The following ARFGEF2 variants were observed in gnomAD, a reference collection of about 807,000 sequenced individuals.
The protein encoded by ARFGEF2 is brefeldin A-inhibited guanine nucleotide-exchange protein 2.
In ARFGEF2, 74 loss-of-function variants were observed where a neutral mutation model predicts 219.9. The ratio of observed to expected loss-of-function variants is 0.34; its 90% CI spans 0.28 to 0.41. The LOEUF (loss-of-function observed/expected upper bound fraction) is 0.41. Ranked by LOEUF, ARFGEF2 falls within the 10% of genes least tolerant of loss-of-function variation. The probability of loss-of-function intolerance (pLI) is 1.00; values close to 1 mark genes in which losing one functional copy is unlikely to be tolerated. For synonymous variants in ARFGEF2, 733 were observed against 799.2 expected (o/e 0.92, Z 1.40); for missense variants, 1,743 against 2,218.3 (o/e 0.79, Z 4.30).
At position 48,973,128 on chromosome 20, in the gene ARFGEF2, G is replaced by C. The variant is rs543247648; in HGVS notation, c.1526-17G>C. The C allele has an allele frequency of 9.9e-6, 16 of 1,613,930 alleles. No individual in the cohort carries two copies. In the East Asian group the frequency reaches 3.1e-4, roughly 31 times the overall value. On this transcript the variant is annotated splice_polypyrimidine_tract_variant and intron_variant, in intron 11 of 38. Coordinates refer to ENST00000371917, the MANE Select transcript of ARFGEF2 (RefSeq NM_006420.3). ...TATTTGATCAGAATTTCTGATACTT[G>C]TATGTTATTTTCCAAGATGCCCAGT...
intron 6 of ARFGEF2, among the ~76,000 whole-genome samples, chr20:48,956,313 G>T (rs528194570): frequency 1.3e-5 from 2 of 152,172 alleles, no homozygotes; most frequent in African/African-American, 4.8e-5. Context: ...CCCCCCCACA[G>T]CCTTCCTAGG....
At chr20:48,988,410 C>A in intron 17 of ARFGEF2, 22 bp downstream of exon 17, 1 of 1,611,760 alleles carries the variant, frequency 6.2e-7, no homozygotes, top group Non-Finnish European at 8.5e-7. Flanking sequence ...TAATGATTTA[C>A]ATGTTGTATT....
intron 6 of ARFGEF2, among the ~76,000 whole-genome samples, chr20:48,957,221 A>G (rs1358277830): frequency 6.6e-6 from 1 of 152,080 alleles, no homozygotes; most frequent in East Asian, 1.9e-4. Flanking sequence ...CTTGTTGCCA[A>G]CCCTGATAAC....
intron 34 of ARFGEF2, among the ~76,000 whole-genome samples, chr20:49,021,820 G>A (rs1600553764): frequency 6.7e-6 from 1 of 150,224 alleles, no homozygotes; most frequent in African/African-American, 2.5e-5. Context: ...ACTTCAGCCT[G>A]GGTGACACAG....
At chr20:49,007,727 T>C (rs1365659968) in intron 26 of ARFGEF2, among the ~76,000 whole-genome samples, 1 of 152,018 alleles carries the variant, frequency 6.6e-6, no homozygotes, top group African/African-American at 2.4e-5. Context: ...AGTGTCTGTA[T>C]GTCTGCTTTA....
intron 36 of ARFGEF2, among the ~76,000 whole-genome samples, chr20:49,026,306 G>A (rs1407081274): frequency 6.6e-6 from 1 of 151,980 alleles, no homozygotes; most frequent in East Asian, 1.9e-4. Flanking sequence ...CTGCAGCCTG[G>A]GTGACAGGGG....
intron 3 of ARFGEF2, among the ~76,000 whole-genome samples, chr20:48,943,323 G>A (rs1283112176): frequency 6.6e-6 from 1 of 152,184 alleles, no homozygotes; most frequent in Admixed American, 6.5e-5. Context: ...GTGAGTAGGT[G>A]CATTTGCAAG....
intron 1 of ARFGEF2, among the ~76,000 whole-genome samples, chr20:48,935,200 G>C (rs942566750): frequency 1.3e-5 from 2 of 152,160 alleles, no homozygotes; most frequent in African/African-American, 4.8e-5. Context: ...ATAAACAAGT[G>C]AACAAAGGTC....
At chr20:48,951,603 TAG>T in intron 4 of ARFGEF2, 134 bp downstream of exon 4, 1 of 1,243,218 alleles carries the variant, frequency 8.0e-7, no homozygotes, top group Non-Finnish European at 1.2e-6. Context: ...AAGCGTCACT[TAG>T]ATCTTTTGTT....
Position 48,986,110 on chromosome 20 carries a change from G to C in ARFGEF2, c.2276+497G>C, listed in dbSNP as rs148989266. Among the ~76,000 whole-genome samples, 52 of 152,286 alleles carry C rather than the reference G, an allele frequency of 3.4e-4. 2 individuals are homozygous for C. The East Asian group carries it at 9.1e-3, about 27-fold the overall frequency. Reference sequence around the variant, plus strand: ...TGATGGGCGGTTCGTGATTTTGTAAGAAGTGGAAATAGGAAGGGGAACAAA... The same window carrying C: ...TGATGGGCGGTTCGTGATTTTGTAACAAGTGGAAATAGGAAGGGGAACAAA... On this transcript the variant is annotated intron_variant, in intron 16 of 38. Transcript: ENST00000371917.
chr20:48,960,076 T>C (rs1036004185), intron 6 of ARFGEF2, among the ~76,000 whole-genome samples: 2 of 152,226 alleles, frequency 1.3e-5, no homozygotes, highest in African/African-American at 4.8e-5. Context: ...AAATGAGTCA[T>C]AGGCAGTTTC....
intron 1 of ARFGEF2, among the ~76,000 whole-genome samples, chr20:48,937,406 CT>C (rs1423746388): frequency 6.6e-6 from 1 of 152,112 alleles, no homozygotes; most frequent in Non-Finnish European, 1.5e-5. Context: ...GTCTTTCTTT[CT>C]TTATTTCTTT....
At chr20:48,961,404 C>A (rs1386322839) in intron 6 of ARFGEF2, among the ~76,000 whole-genome samples, 1 of 152,086 alleles carries the variant, frequency 6.6e-6, no homozygotes, top group Admixed American at 6.6e-5. Context: ...CTGTCTTCCA[C>A]CTCCACATCT....
At chr20:48,975,749 C>T (rs1377401466) in intron 13 of ARFGEF2, among the ~76,000 whole-genome samples, 2 of 145,812 alleles carry the variant, frequency 1.4e-5, no homozygotes, top group African/African-American at 5.3e-5. Context: ...TGCACTGAGC[C>T]GAGATCGTGC....
At chr20:48,928,216 T>TTA (rs2090890145) in intron 1 of ARFGEF2, among the ~76,000 whole-genome samples, 1 of 141,650 alleles carries the variant, frequency 7.1e-6, no homozygotes, top group African/African-American at 2.8e-5. Context: ...TTTTTTTTTT[T>TTA]GAGACGGAGT....
rs2123465517 is a variant in ARFGEF2, at chr20:48,991,205, G to A, written c.2973+7G>A. 1 of 1,614,196 alleles carries A rather than the reference G, an allele frequency of 6.2e-7. No individual in the cohort carries two copies. Among genetic ancestry groups the A allele is most frequent in the Non-Finnish European group, 8.5e-7 (1 of 1,180,034 alleles). ...TGGGAATTCCTGGCATGAGGTACGT[G>A]TCTCTTTGAATTGCCTTTTCTCAGT... On this transcript the variant is annotated splice_region_variant and intron_variant, in intron 21 of 38. Transcript: ENST00000371917.
chr20:48,992,879 T>A (rs2091365020), intron 21 of ARFGEF2, among the ~76,000 whole-genome samples: 1 of 151,154 alleles, frequency 6.6e-6, no homozygotes, highest in Non-Finnish European at 1.5e-5. Flanking sequence ...CCCATATCTT[T>A]AAAAAAAAAT....
chr20:48,936,548 G>T (rs1168687897), intron 1 of ARFGEF2, among the ~76,000 whole-genome samples: 2 of 151,916 alleles, frequency 1.3e-5, no homozygotes, highest in African/African-American at 4.8e-5. Context: ...TTTTGAGACG[G>T]AGTTTCCCTC....
Position 48,972,394 on chromosome 20 carries a change from G to A in ARFGEF2, c.1494G>A (p.Met498Ile), listed in dbSNP as rs368352338. 1.2e-6 allele frequency: 2 copies of A among 1,614,044 alleles called. No individual in the cohort carries two copies. Among genetic ancestry groups the A allele is most frequent in the Non-Finnish European group, 1.7e-6 (2 of 1,179,934 alleles). ...CAAGTTCTTTTGAGCACAGGTGGAT[G>A]GTCATTCAGACTCTGACGAGGATCT... The part of the protein sequence containing the change: ...TSTSSFEHRW[M>I]VIQTLTRICA... The change falls in exon 11 of 39, where the codon ATG becomes ATA. Residue 498 changes from methionine to isoleucine, a missense_variant. Met to Ile is a conservative substitution (Grantham distance 10). Coordinates refer to ENST00000371917, the MANE Select transcript of ARFGEF2 (RefSeq NM_006420.3).
Sources: allele counts gnomAD v4.1 joint callset (sites outside exome capture counted in the v4.1 genomes callset), GRCh38; gene constraint gnomAD v4.1.1; transcripts MANE v1.5; gene names NCBI Gene and HGNC (gene_info 2026-07-23, HGNC 2026-07-21).